Variants in PCBP2 observed in about 807,000 individuals in gnomAD.
PCBP2 encodes poly(rC) binding protein 2, also known as poly(rC)-binding protein 2.
In PCBP2, 4 loss-of-function variants were observed where a neutral mutation model predicts 50.1. That is an observed-to-expected ratio of 0.08 (90% CI 0.04 to 0.18). The LOEUF (loss-of-function observed/expected upper bound fraction) is 0.18, where lower values mean the gene tolerates loss of function less well. Ranked by LOEUF, PCBP2 falls within the 10% of genes least tolerant of loss-of-function variation. PCBP2 has a pLI of 1.00. For missense variants in PCBP2, 161 were observed against 474.3 expected, an observed-to-expected ratio of 0.34 and a Z score of 6.14; for synonymous variants, 179 against 168.0, an observed-to-expected ratio of 1.07 and a Z score of -0.51.
chr12:53,474,768 TACTGATATA>T, intron 14 of PCBP2: 1 of 343,682 alleles, frequency 2.9e-6, no homozygotes. Flanking sequence ...CAGAGGCACT[TACTGATATA>T]ACTGAAGCAG....
intron 8 of PCBP2, chr12:53,464,445 T>C (rs571908502): frequency 1.4e-4 from 42 of 304,752 alleles, no homozygotes; most frequent in South Asian, 1.3e-3. Flanking sequence ...GATGGACCTG[T>C]GTCTTTTGTT....
At chr12:53,471,957 A>C (rs1397456689) in intron 14 of PCBP2, 150 bp downstream of exon 14, 1 of 446,872 alleles carries the variant, frequency 2.2e-6, no homozygotes, top group East Asian at 4.2e-5. Flanking sequence ...CTACTTTCTT[A>C]GAGTGTAGCA....
In PCBP2 at chr12:53,480,811, C is replaced by CT. The variant is rs1943000600; in HGVS notation, c.*1370dup. The CT allele has an allele frequency of 2.0e-5, 3 of 152,674 alleles. No individual in the cohort carries two copies. The highest frequency in any genetic ancestry group is 4.1e-4 in the South Asian group (2 of 4,834). The allele number at this position is 152,674 out of a possible 1,614,324, so 9.5% of individuals were successfully genotyped here. A position where few individuals can be genotyped will look rare whatever the true frequency, so the allele number is the denominator to read the frequency against. On this transcript the variant is annotated 3_prime_UTR_variant, in exon 15 of 15. Coordinates refer to ENST00000546463, the MANE Select transcript of PCBP2 (RefSeq NM_031989.5). ...AGTAAACGGAACAGAAAAGTGCAGTCTAAGTGGTTTTCTCTCCTGCCCCTC... is the reference window on the plus strand; with the variant it reads ...AGTAAACGGAACAGAAAAGTGCAGTCTTAAGTGGTTTTCTCTCCTGCCCCTC...
intron 14 of PCBP2, chr12:53,475,394 C>G: frequency 3.0e-6 from 1 of 338,482 alleles, no homozygotes; most frequent in South Asian, 2.3e-5. Flanking sequence ...GCCATTTCAG[C>G]TGAGTGCCTG....
At chr12:53,475,385 C>G (rs958997085) in intron 14 of PCBP2, 8 of 344,764 alleles carry the variant, frequency 2.3e-5, no homozygotes, top group African/African-American at 8.6e-5. Flanking sequence ...TAGGTTTAGG[C>G]CATTTCAGCT....
In PCBP2 at chr12:53,459,417, G is replaced by C; in HGVS notation, c.375+14G>C. Reference sequence around the variant, plus strand: ...GAAATACGAGAGGTTAGTGACTTTTGTCGTCCTTTTAGAAATGTTAACTAT... The same window carrying C: ...GAAATACGAGAGGTTAGTGACTTTTCTCGTCCTTTTAGAAATGTTAACTAT... On this transcript the variant is annotated intron_variant, in intron 6 of 14. Coordinates refer to ENST00000546463, the MANE Select transcript of PCBP2 (RefSeq NM_031989.5). 6.2e-7 allele frequency: 1 copy of C among 1,603,600 alleles called. No homozygotes were observed. Among genetic ancestry groups the C allele is most frequent in the East Asian group, 2.2e-5 (1 of 44,540 alleles).
intron 13 of PCBP2, among the ~76,000 whole-genome samples, chr12:53,470,741 T>G (rs1942168756): frequency 6.8e-6 from 1 of 146,838 alleles, no homozygotes; most frequent in Non-Finnish European, 1.5e-5. Flanking sequence ...ACAGTATTAG[T>G]GCAAATGTTA....
intron 8 of PCBP2, among the ~76,000 whole-genome samples, chr12:53,464,128 T>C (rs1186982016): frequency 6.6e-6 from 1 of 152,182 alleles, no homozygotes; most frequent in Non-Finnish European, 1.5e-5. Context: ...GGATTTAGCC[T>C]TAGGAGTTTT....
chr12:53,453,740 C>T (rs1227493523), intron 1 of PCBP2, among the ~76,000 whole-genome samples: 35 of 152,044 alleles, frequency 2.3e-4, no homozygotes, highest in Admixed American at 2.2e-3. Context: ...CGATTAGGTG[C>T]TAAAGGAGGT....
At chr12:53,478,608 T>C (rs1349060755) in intron 14 of PCBP2, among the ~76,000 whole-genome samples, 1 of 152,132 alleles carries the variant, frequency 6.6e-6, no homozygotes, top group Non-Finnish European at 1.5e-5. Context: ...GTTTAAGACC[T>C]GCCTGGGAAA....
chr12:53,474,782 A>G (rs1485003424), intron 14 of PCBP2: 1 of 348,798 alleles, frequency 2.9e-6, no homozygotes, highest in East Asian at 7.6e-5. Flanking sequence ...GATATAACTG[A>G]AGCAGTTTTT....
chr12:53,459,040 C>G lies in PCBP2; in HGVS notation c.244-232C>G. Among the ~76,000 whole-genome samples the G allele has an allele frequency of 1.3e-5, 2 of 151,986 alleles. 1 individual carries two copies. Among genetic ancestry groups the G allele is most frequent in the Non-Finnish European group, 2.9e-5 (2 of 68,026 alleles). Reference sequence around the variant, plus strand: ...TTTATCCTTAGCAAGTACATTCCTTCAGGGTGAAGGAAAATATATTTATGG... The same window carrying G: ...TTTATCCTTAGCAAGTACATTCCTTGAGGGTGAAGGAAAATATATTTATGG... On this transcript the variant is annotated intron_variant, in intron 5 of 14. Coordinates refer to ENST00000546463, the MANE Select transcript of PCBP2 (RefSeq NM_031989.5).
chr12:53,473,105 G>C (rs535040016), intron 14 of PCBP2, among the ~76,000 whole-genome samples: 1 of 142,352 alleles, frequency 7.0e-6, no homozygotes, highest in African/African-American at 2.6e-5. Context: ...TTTTTTTTGA[G>C]ACGGAGTCTT....
chr12:53,452,527 C>A (rs1940617089), intron 1 of PCBP2, among the ~76,000 whole-genome samples, 151 bp downstream of exon 1: 1 of 151,514 alleles, frequency 6.6e-6, no homozygotes, highest in African/African-American at 2.4e-5. Flanking sequence ...GCCGGTCATT[C>A]ACGCGAGGCC....
intron 14 of PCBP2, chr12:53,475,773 T>C (rs1565874345): frequency 6.6e-6 from 1 of 152,190 alleles, no homozygotes; most frequent in African/African-American, 2.4e-5. Context: ...TTATAGTCGT[T>C]TGTCAATATT....
chr12:53,474,469 T>G (rs1171169663), intron 14 of PCBP2, among the ~76,000 whole-genome samples: 3 of 152,264 alleles, frequency 2.0e-5, no homozygotes, highest in African/African-American at 2.4e-5. Context: ...TAATTGATTT[T>G]CTGTTAGAAT....
chr12:53,454,585 G>A, intron 1 of PCBP2, 141 bp from the exon 2 acceptor site: 1 of 558,736 alleles, frequency 1.8e-6, no homozygotes, highest in South Asian at 2.0e-5. Context: ...TCATGCAGTT[G>A]TGCTTGGTGT....
intron 14 of PCBP2, among the ~76,000 whole-genome samples, chr12:53,476,537 C>T (rs1362268801): frequency 2.6e-5 from 4 of 152,052 alleles, no homozygotes; most frequent in African/African-American, 4.8e-5. Flanking sequence ...TTCCATTCAA[C>T]GAGAGTACAC....
chr12:53,474,048 G>A (rs546056546), intron 14 of PCBP2, among the ~76,000 whole-genome samples: 1 of 152,286 alleles, frequency 6.6e-6, no homozygotes, highest in Admixed American at 6.5e-5. Flanking sequence ...ACACATACAG[G>A]CATTTGGGAG....
Sources: gnomAD v4.1 joint callset for allele counts (sites outside exome capture counted in the v4.1 genomes callset) on GRCh38, gnomAD v4.1.1 for gene constraint, MANE v1.5 for transcripts, NCBI Gene and HGNC (gene_info 2026-07-23, HGNC 2026-07-21) for gene names.